The following MKLN1 variants were observed in gnomAD, a reference collection of about 807,000 sequenced individuals.
MKLN1 encodes muskelin.
Under a neutral mutation model 99.0 loss-of-function variants are expected in MKLN1, and 18 were observed. That is an observed-to-expected ratio of 0.18 (90% confidence interval 0.13 to 0.27). The LOEUF is 0.27. MKLN1 is among the 10% of genes least tolerant of loss of function. The pLI, the probability that MKLN1 is intolerant of heterozygous loss-of-function variation, is 1.00. For synonymous variants in MKLN1, 288 were observed against 293.2 expected (o/e 0.98, Z 0.18); for missense variants, 621 against 875.9 (o/e 0.71, Z 3.67).
At chr7:131,184,401 C>G (rs1031458796) in intron 2 of MKLN1, among the ~76,000 whole-genome samples, 2 of 152,150 alleles carry the variant, frequency 1.3e-5, no homozygotes, top group African/African-American at 4.8e-5. Flanking sequence ...GCAGAGCAAG[C>G]CTGTCCTTAG....
chr7:131,323,097 TTA>T (rs779762252), upstream of MKLN1, among the ~76,000 whole-genome samples: 7 of 152,210 alleles, frequency 4.6e-5, no homozygotes, highest in African/African-American at 7.2e-5. Flanking sequence ...ATCTGCATTT[TTA>T]TAGTCTCAGC....
chr7:131,445,832 T>G lies in MKLN1; in HGVS notation c.1454T>G (p.Phe485Cys). 1 of 1,610,500 alleles carries G rather than the reference T, an allele frequency of 6.2e-7. No individual in the cohort carries two copies. The highest frequency in any genetic ancestry group is 8.5e-7 in the Non-Finnish European group (1 of 1,177,610). ...GQRSKTYLND[F>C]FSYDVDSDHV... ...CGATCAAAGACCTATTTGAATGATT[T>G]CTTTAGTTATGATGTGGACTCTGAT... The change falls in exon 12 of 18, where the codon TTC (phenylalanine) becomes TGC (cysteine). Residue 485 changes from phenylalanine (F) to cysteine (C), a missense_variant. Phe to Cys is a radical substitution (Grantham distance 205). Transcript: ENST00000352689.
chr7:131,142,975 AG>A, intron 2 of MKLN1: 1 of 1,295,610 alleles, frequency 7.7e-7, no homozygotes, highest in Non-Finnish European at 1.0e-6. Context: ...TTCTTTCTTT[AG>A]TTGTCAAAAA....
At chr7:131,268,602 G>A (rs1229148918) in intron 3 of MKLN1, among the ~76,000 whole-genome samples, 1 of 152,176 alleles carries the variant, frequency 6.6e-6, no homozygotes. Flanking sequence ...CAGTGGAAAA[G>A]AGAGCCTGCA....
intron 3 of MKLN1, among the ~76,000 whole-genome samples, chr7:131,307,724 C>T (rs1158175471): frequency 1.3e-5 from 2 of 152,158 alleles, no homozygotes; most frequent in African/African-American, 4.8e-5. Flanking sequence ...ATACCTGAAC[C>T]CCTATTGTAT....
chr7:131,391,279 C>A (rs1794191978), intron 4 of MKLN1, among the ~76,000 whole-genome samples: 1 of 152,020 alleles, frequency 6.6e-6, no homozygotes, highest in Non-Finnish European at 1.5e-5. Context: ...GAGTATTTTA[C>A]ATCTGTGTTC....
chr7:131,205,020 C>T (rs1044611804), intron 3 of MKLN1, among the ~76,000 whole-genome samples: 4 of 151,770 alleles, frequency 2.6e-5, no homozygotes, highest in Non-Finnish European at 4.4e-5. Flanking sequence ...ATTGCTTGAA[C>T]CCAGGAGGCA....
chr7:131,441,578 A>T (rs918597512), intron 10 of MKLN1, among the ~76,000 whole-genome samples: 3 of 152,158 alleles, frequency 2.0e-5, no homozygotes, highest in African/African-American at 7.2e-5. Context: ...CTTTTCAGAA[A>T]TTTTTTCGGA....
intron 3 of MKLN1, among the ~76,000 whole-genome samples, chr7:131,218,911 C>G (rs928824081): frequency 6.6e-6 from 1 of 152,160 alleles, no homozygotes; most frequent in South Asian, 2.1e-4. Flanking sequence ...CACAGATGAA[C>G]AGACCCTTTC....
intron 3 of MKLN1, among the ~76,000 whole-genome samples, chr7:131,211,803 G>A (rs1297925607): frequency 3.3e-5 from 5 of 152,080 alleles, no homozygotes; most frequent in Non-Finnish European, 7.4e-5. Flanking sequence ...ATCTTTCTCA[G>A]TTGAGTTACT....
chr7:131,465,929 A>C (rs531532012), intron 14 of MKLN1, among the ~76,000 whole-genome samples: 13 of 152,328 alleles, frequency 8.5e-5, no homozygotes, highest in African/African-American at 3.1e-4. Flanking sequence ...TATTTGTTAT[A>C]TGATCAATAT....
intron 3 of MKLN1, among the ~76,000 whole-genome samples, chr7:131,308,458 C>T (rs187878143): frequency 3.9e-4 from 60 of 152,142 alleles, no homozygotes; most frequent in East Asian, 2.3e-3. Flanking sequence ...GACAGGGTTT[C>T]ACCATGTTGG....
intron 3 of MKLN1, among the ~76,000 whole-genome samples, chr7:131,303,958 A>G (rs1798414878): frequency 6.6e-6 from 1 of 152,216 alleles, no homozygotes; most frequent in African/African-American, 2.4e-5. Context: ...AAACATAATA[A>G]TACACTAGTG....
intron 3 of MKLN1, among the ~76,000 whole-genome samples, chr7:131,251,652 T>G (rs544249360): frequency 6.6e-6 from 1 of 151,702 alleles, no homozygotes; most frequent in African/African-American, 2.4e-5. Context: ...AAGTGAATTG[T>G]CTAGGAAGCA....
intron 1 of MKLN1, among the ~76,000 whole-genome samples, chr7:131,349,361 A>C (rs1403854033): frequency 1.3e-5 from 2 of 152,006 alleles, no homozygotes; most frequent in African/African-American, 4.8e-5. Flanking sequence ...ACGCCCAGCT[A>C]ATTTTTTGTA....
intron 12 of MKLN1, among the ~76,000 whole-genome samples, chr7:131,458,596 A>G (rs1796418130): frequency 6.6e-6 from 1 of 152,102 alleles, no homozygotes. Context: ...TTTTCTTTCT[A>G]ACTTCCTTTT....
At chr7:131,475,029 A>C (rs1484151537) in intron 16 of MKLN1, among the ~76,000 whole-genome samples, 1 of 152,182 alleles carries the variant, frequency 6.6e-6, no homozygotes, top group African/African-American at 2.4e-5. Flanking sequence ...AAGAACAGCA[A>C]GGGGGAAATT....
chr7:131,192,789 C>T (rs964489325), intron 2 of MKLN1, among the ~76,000 whole-genome samples: 3 of 151,882 alleles, frequency 2.0e-5, no homozygotes, highest in Non-Finnish European at 4.4e-5. Flanking sequence ...ATCCACCTGC[C>T]TCAGCCTCCC....
chr7:131,169,736 CA>C (rs1411292780), intron 2 of MKLN1, among the ~76,000 whole-genome samples: 1 of 152,068 alleles, frequency 6.6e-6, no homozygotes, highest in Non-Finnish European at 1.5e-5. Context: ...AAATTTTTCA[CA>C]AGAAGAGATT....
Sources: allele counts gnomAD v4.1 joint callset (sites outside exome capture counted in the v4.1 genomes callset), GRCh38; gene constraint gnomAD v4.1.1; transcripts MANE v1.5; gene names NCBI Gene and HGNC (gene_info 2026-07-23, HGNC 2026-07-21).